Variants in ESR2 observed in about 807,000 individuals in gnomAD.
ESR2 encodes the protein estrogen receptor 2, also known as estrogen receptor beta.
ESR2 carries 36 observed loss-of-function variants against 49.6 expected under a neutral mutation model. That is an observed-to-expected ratio of 0.73 (90% CI 0.56 to 0.96). The LOEUF is 0.96. Among genes scored for constraint, ESR2 ranks in the 40% least tolerant of loss-of-function variants. ESR2 has a pLI of 0.00. For synonymous variants in ESR2, 320 were observed against 266.1 expected, an observed-to-expected ratio of 1.20 and a Z score of -1.97; for missense variants, 714 against 693.0, an observed-to-expected ratio of 1.03 and a Z score of -0.34.
chr14:64,242,451 A>AAT (rs1264924992), intron 7 of ESR2, among the ~76,000 whole-genome samples: 291 of 126,694 alleles, frequency 2.3e-3, no homozygotes, highest in Middle Eastern at 4.5e-3. Flanking sequence ...AAACAAAAAA[A>AAT]ATATATATAT....
chr14:64,276,491 G>A (rs1161877083), intron 3 of ESR2, among the ~76,000 whole-genome samples: 3 of 152,100 alleles, frequency 2.0e-5, no homozygotes, highest in Admixed American at 2.0e-4. Flanking sequence ...TGGAAAAAGC[G>A]ACACTCACAC....
chr14:64,249,553 G>A lies in ESR2; in HGVS notation c.1218C>T (p.Leu406=). The change falls in exon 7 of 9, where the codon CTC becomes CTT. Residue 406 remains leucine, a synonymous_variant. Coordinates refer to ENST00000341099, the MANE Select transcript of ESR2 (RefSeq NM_001437.3). ...EYLCVKAMIL[L]NSSMYPLVTA... is the part of the protein sequence containing the mutation. ...AGCTGTGTGATTACTTACTGGAATT[G>A]AGCAGGATCATGGCCTTGACACAGA... 1 of 1,613,734 alleles carries A rather than the reference G, an allele frequency of 6.2e-7. No individual in the cohort carries two copies.
At chr14:64,273,737 G>A (rs924116218) in intron 3 of ESR2, among the ~76,000 whole-genome samples, 20 of 152,234 alleles carry the variant, frequency 1.3e-4, no homozygotes, top group African/African-American at 4.8e-4. Context: ...ATTCATTGGG[G>A]ATATTGGTCT....
intron 1 of ESR2, among the ~76,000 whole-genome samples, chr14:64,311,027 A>G (rs1338558489): frequency 6.6e-6 from 1 of 152,046 alleles, no homozygotes; most frequent in African/African-American, 2.4e-5. Context: ...AAATGGAGCC[A>G]TTTTATCATA....
rs990904393 is a variant in ESR2, at chr14:64,260,349, G to C, written c.952+100C>G. ...CAGCTGAGGACCTGTTAAATATCTA[G>C]GCACAGCTCATGGACCTCTACTTTG... On this transcript the variant is annotated intron_variant, in intron 5 of 8. Coordinates refer to ENST00000341099, the MANE Select transcript of ESR2 (RefSeq NM_001437.3). The C allele has an allele frequency of 8.6e-6, 10 of 1,158,684 alleles. No individual in the cohort carries two copies. In the African/African-American group the frequency reaches 1.2e-4, roughly 14 times the overall value. The allele number at this position is 1,158,684 out of a possible 1,614,324, so 71.8% of individuals were successfully genotyped here.
chr14:64,235,254 T>C (rs1352891509), intron 7 of ESR2, 104 bp from the exon 8 acceptor site: 1 of 1,220,716 alleles, frequency 8.2e-7, no homozygotes, highest in African/African-American at 1.5e-5. Flanking sequence ...TGGGTTGCTT[T>C]GACAGCTGCA....
chr14:64,321,602 C>A (rs1273842013), intron 1 of ESR2, among the ~76,000 whole-genome samples: 1 of 152,058 alleles, frequency 6.6e-6, no homozygotes, highest in South Asian at 2.1e-4. Context: ...AATGACAAGA[C>A]ACTATTTAAG....
chr14:64,272,000 T>C (rs772366659), intron 3 of ESR2, among the ~76,000 whole-genome samples: 4 of 152,224 alleles, frequency 2.6e-5, no homozygotes, highest in Admixed American at 6.5e-5. Flanking sequence ...ATAGTAGTTG[T>C]ACTAATTTAC....
In ESR2 at chr14:64,228,789, TAAAAAAC is replaced by T. The variant is rs1407508657; in HGVS notation, c.*4341_*4347del. Reference sequence around the variant, plus strand: ...TACAAGTGAATAGGATCCTCGGAATTAAAAAACAAACAAACAAACAAACAAAAAACCT... The same window carrying T: ...TACAAGTGAATAGGATCCTCGGAATTAAACAAACAAACAAACAAAAAACCT... On this transcript the variant is annotated 3_prime_UTR_variant, in exon 9 of 9. Coordinates refer to ENST00000341099, the MANE Select transcript of ESR2 (RefSeq NM_001437.3). Among the ~76,000 whole-genome samples, 1 of 151,640 alleles carries T rather than the reference TAAAAAAC, an allele frequency of 6.6e-6. No individual in the cohort carries two copies. The highest frequency in any genetic ancestry group is 2.4e-5 in the African/African-American group (1 of 41,078).
intron 1 of ESR2, among the ~76,000 whole-genome samples, chr14:64,290,096 T>C (rs1349432691): frequency 6.6e-6 from 1 of 152,122 alleles, no homozygotes; most frequent in Non-Finnish European, 1.5e-5. Flanking sequence ...GTGGGGGTTA[T>C]ACTCTAGCTC....
intron 7 of ESR2, 120 bp from the exon 8 acceptor site, chr14:64,235,270 G>A: frequency 5.0e-6 from 5 of 1,000,402 alleles, no homozygotes; most frequent in Non-Finnish European, 7.3e-6. Flanking sequence ...CTGCATGTGT[G>A]GCAGGAGCTT....
chr14:64,312,587 C>T (rs2077199105), intron 1 of ESR2, among the ~76,000 whole-genome samples: 1 of 152,172 alleles, frequency 6.6e-6, no homozygotes, highest in Admixed American at 6.6e-5. Context: ...GTCAGAGGCA[C>T]ATCCTCTTAC....
chr14:64,316,357 G>C (rs28871406), intron 1 of ESR2, among the ~76,000 whole-genome samples: 1 of 151,814 alleles, frequency 6.6e-6, no homozygotes, highest in Non-Finnish European at 1.5e-5. Context: ...CTCCATATCC[G>C]GATGGTCTCA....
Position 64,232,982 on chromosome 14 carries a change from G to T in ESR2, c.*155C>A. On this transcript the variant is annotated 3_prime_UTR_variant, in exon 9 of 9. Transcript: ENST00000341099. ...GGCTTCCTCACACCGACTCCTGAGAGTTGGGAAGGTGGAGGGAAGGATGGT... is the reference window on the plus strand; with the variant it reads ...GGCTTCCTCACACCGACTCCTGAGATTTGGGAAGGTGGAGGGAAGGATGGT... 1 of 1,389,786 alleles carries T rather than the reference G, an allele frequency of 7.2e-7. No individual in the cohort carries two copies. The highest frequency in any genetic ancestry group is 9.4e-7 in the Non-Finnish European group (1 of 1,068,092). 86.1% of individuals were successfully genotyped at this position (1,389,786 alleles called of 1,614,324 possible).
At chr14:64,327,359 G>A (rs1037646289) in intron 1 of ESR2, among the ~76,000 whole-genome samples, 8 of 151,780 alleles carry the variant, frequency 5.3e-5, no homozygotes, top group Non-Finnish European at 5.9e-5. Context: ...TCAGGAATTC[G>A]AGACCAGCCT....
chr14:64,277,396 C>T (rs374314403), intron 3 of ESR2, among the ~76,000 whole-genome samples: 16 of 152,070 alleles, frequency 1.1e-4, no homozygotes, highest in South Asian at 6.2e-4. Context: ...GAGGCCGAGG[C>T]GGGCGGATCA....
intron 3 of ESR2, among the ~76,000 whole-genome samples, chr14:64,275,915 T>C (rs1025305131): frequency 1.3e-5 from 2 of 152,206 alleles, no homozygotes; most frequent in African/African-American, 4.8e-5. Context: ...GGCTCCCATA[T>C]TTTAAATCAA....
chr14:64,269,283 T>C lies in ESR2; in HGVS notation c.536-372A>G, dbSNP rs560292437. 1.1e-3 allele frequency among the ~76,000 whole-genome samples: 165 copies of C among 152,364 alleles called. 3 individuals carry two copies. The South Asian group carries it at 0.034, about 31-fold the overall frequency. On this transcript the variant is annotated intron_variant, in intron 3 of 8. Coordinates refer to ENST00000341099, the MANE Select transcript of ESR2 (RefSeq NM_001437.3). ...TCATCAAATTCAACTTCTTATATTC[T>C]TTTACATATATCCCTCTTTCGGGTT...
chr14:64,318,577 A>G (rs1310921375), intron 1 of ESR2, among the ~76,000 whole-genome samples: 1 of 144,790 alleles, frequency 6.9e-6, no homozygotes, highest in Admixed American at 7.0e-5. Flanking sequence ...AATTTAAATT[A>G]TCAAGCAAGT....
Sources: allele counts gnomAD v4.1 joint callset (sites outside exome capture counted in the v4.1 genomes callset), GRCh38; gene constraint gnomAD v4.1.1; transcripts MANE v1.5; gene names NCBI Gene and HGNC (gene_info 2026-07-23, HGNC 2026-07-21).